RNF32: variants seen among roughly 807,000 people sequenced by gnomAD.
RNF32 encodes the protein ring finger protein 32.
A neutral mutation model predicts 41.0 loss-of-function variants in RNF32; 36 were observed. That is an observed-to-expected ratio of 0.88 (90% CI 0.67 to 1.16). The LOEUF is 1.16. Among genes scored for constraint, RNF32 ranks in the 50% most tolerant of loss-of-function variants. RNF32 has a pLI of 0.00. For synonymous variants in RNF32, 154 were observed against 160.9 expected (o/e 0.96, Z 0.32); for missense variants, 413 against 436.7 (o/e 0.95, Z 0.48).
intron 8 of RNF32, 33 bp from the exon 9 acceptor site, chr7:156,676,386 C>T (rs753204431): frequency 1.2e-6 from 2 of 1,614,006 alleles, no homozygotes; most frequent in Non-Finnish European, 1.7e-6. Context: ...TGAAACTAAC[C>T]CGCGTGGCCT....
rs1021285511 is a variant in RNF32, at chr7:156,673,343, T to C, written c.685-2353T>C. Among the ~76,000 whole-genome samples, 4 of 152,224 alleles carry C rather than the reference T, an allele frequency of 2.6e-5. No homozygotes were observed. The South Asian group carries it at 8.3e-4, about 32-fold the overall frequency. On this transcript the variant is annotated intron_variant, in intron 7 of 8. Coordinates refer to ENST00000317955, the MANE Select transcript of RNF32 (RefSeq NM_030936.4). ...CATCAATTGGAGGTAACTGTGTATA[T>C]TTCCAAGTAATTTTTCCTTTTACAA...
At chr7:156,675,931 A>G (rs1449507597) in intron 8 of RNF32, 68 bp downstream of exon 8, 1 of 1,502,990 alleles carries the variant, frequency 6.7e-7, no homozygotes, top group African/African-American at 1.4e-5. Context: ...GGGGAGTGGC[A>G]TGTGGGGGGA....
chr7:156,654,730 A>G lies in RNF32; in HGVS notation c.417+12A>G, dbSNP rs1443708162. 10 of 1,612,168 alleles carry G rather than the reference A, an allele frequency of 6.2e-6. No individual in the cohort carries two copies. The Admixed American group carries it at 1.5e-4, about 24-fold the overall frequency. Reference sequence around the variant, plus strand: ...AGCTTCGTCCTCAGGTGTTTAGCATACGAGGGTGAGCTAGAGAGCTCCTGG... The same window carrying G: ...AGCTTCGTCCTCAGGTGTTTAGCATGCGAGGGTGAGCTAGAGAGCTCCTGG... On this transcript the variant is annotated intron_variant, in intron 4 of 8. Coordinates refer to ENST00000317955, the MANE Select transcript of RNF32 (RefSeq NM_030936.4).
chr7:156,647,821 G>A (rs2131369511), intron 3 of RNF32, among the ~76,000 whole-genome samples: 1 of 152,220 alleles, frequency 6.6e-6, no homozygotes, highest in Non-Finnish European at 1.5e-5. Context: ...CATTCTCCTT[G>A]CACCACATCA....
chr7:156,672,124 C>A (rs1461452316), intron 7 of RNF32, among the ~76,000 whole-genome samples: 1 of 152,146 alleles, frequency 6.6e-6, no homozygotes, highest in Non-Finnish European at 1.5e-5. Flanking sequence ...TGCTTTCTTG[C>A]TATATTACAC....
chr7:156,671,282 A>G (rs1802437088), intron 7 of RNF32, among the ~76,000 whole-genome samples: 1 of 152,230 alleles, frequency 6.6e-6, no homozygotes, highest in Non-Finnish European at 1.5e-5. Flanking sequence ...AGCACCAATC[A>G]GATTATGTAT....
At chr7:156,645,524 T>G (rs551363634) in intron 3 of RNF32, among the ~76,000 whole-genome samples, 17 of 152,284 alleles carry the variant, frequency 1.1e-4, no homozygotes, top group African/African-American at 3.8e-4. Flanking sequence ...CTGTTCCAGA[T>G]TACAGGAGAC....
Position 156,670,760 on chromosome 7 carries a change from C to T in RNF32, c.685-4936C>T, listed in dbSNP as rs1469891291. Among the ~76,000 whole-genome samples the T allele has an allele frequency of 1.3e-5, 2 of 152,160 alleles. No homozygotes were observed. Among genetic ancestry groups the T allele is most frequent in the Admixed American group, 1.3e-4 (2 of 15,274 alleles). On this transcript the variant is annotated intron_variant, in intron 7 of 8. Coordinates refer to ENST00000317955, the MANE Select transcript of RNF32 (RefSeq NM_030936.4). The surrounding 1 kb of genome is among the most constrained non-coding windows in gnomAD (Gnocchi z 4.3). ...TCCCATGTGAACCAAATGAAAGTTA[C>T]ATTCAAGACGAGAGGCAAAAGAAAA...
At chr7:156,643,128 G>A (rs918514373) in intron 1 of RNF32, 4 of 152,186 alleles carry the variant, frequency 2.6e-5, no homozygotes, top group Non-Finnish European at 5.9e-5. Context: ...ATACTTCAAA[G>A]GTTGTCTCAT....
intron 1 of RNF32, chr7:156,641,072 G>A (rs577689438): frequency 7.2e-5 from 11 of 152,722 alleles, no homozygotes; most frequent in African/African-American, 2.6e-4. Flanking sequence ...TTAGAACAGT[G>A]ATCCCACGTC....
intron 7 of RNF32, among the ~76,000 whole-genome samples, chr7:156,674,714 TATTCA>T (rs1803412642): frequency 6.6e-6 from 1 of 152,222 alleles, no homozygotes; most frequent in Non-Finnish European, 1.5e-5. Flanking sequence ...CAAAGTACTG[TATTCA>T]ATTAATAAAC....
rs527936405 is a variant in RNF32, at chr7:156,661,325, T to A, written c.684+2755T>A. ...TTCTGTTGCTGGGGGCCTTAGGATT[T>A]TTTTTTTTTTTTGAGACGGAGTCTC... On this transcript the variant is annotated intron_variant, in intron 7 of 8. Transcript: ENST00000317955. Among the ~76,000 whole-genome samples, 40 of 151,330 alleles carry A rather than the reference T, an allele frequency of 2.6e-4. 1 individual carries two copies. In the South Asian group the frequency reaches 4.2e-3, roughly 16 times the overall value.
At chr7:156,648,889 G>C (rs1798326660) in intron 3 of RNF32, among the ~76,000 whole-genome samples, 1 of 151,428 alleles carries the variant, frequency 6.6e-6, no homozygotes. Context: ...TCACTTTATT[G>C]CTGTTTGGGA....
At chr7:156,665,180 G>A (rs548600303) in intron 7 of RNF32, among the ~76,000 whole-genome samples, 14 of 152,214 alleles carry the variant, frequency 9.2e-5, no homozygotes, top group African/African-American at 3.1e-4. Flanking sequence ...CTAGTAATAC[G>A]GCCATTAAAA....
intron 5 of RNF32, 181 bp downstream of exon 5, chr7:156,657,754 G>A: frequency 1.5e-6 from 1 of 653,380 alleles, no homozygotes; most frequent in Admixed American, 2.8e-5. Flanking sequence ...AAAATCATGA[G>A]TTTTGTGACA....
At chr7:156,647,926 A>G (rs938503146) in intron 3 of RNF32, among the ~76,000 whole-genome samples, 1 of 152,092 alleles carries the variant, frequency 6.6e-6, no homozygotes, top group Non-Finnish European at 1.5e-5. Context: ...CATTTCCCTG[A>G]TGACGAGTGA....
chr7:156,660,926 T>C (rs1800560177), intron 7 of RNF32, among the ~76,000 whole-genome samples: 1 of 152,196 alleles, frequency 6.6e-6, no homozygotes, highest in African/African-American at 2.4e-5. Flanking sequence ...AGGCGTGATA[T>C]CTTGAAGTGG....
intron 7 of RNF32, chr7:156,659,604 ATAGTC>A: frequency 1.1e-6 from 1 of 939,048 alleles, no homozygotes; most frequent in Non-Finnish European, 1.3e-6. Flanking sequence ...TACAGATTTG[ATAGTC>A]ATTTTACCTT....
At chr7:156,668,719 C>G (rs541817171) in intron 7 of RNF32, among the ~76,000 whole-genome samples, 27 of 152,332 alleles carry the variant, frequency 1.8e-4, no homozygotes, top group African/African-American at 6.5e-4. Flanking sequence ...CACGGGAGCT[C>G]TCTGTTAAAG....
Sources: allele counts gnomAD v4.1 joint callset (sites outside exome capture counted in the v4.1 genomes callset), GRCh38; gene constraint gnomAD v4.1.1; non-coding constraint Gnocchi (gnomAD v3.1); transcripts MANE v1.5; gene names NCBI Gene and HGNC (gene_info 2026-07-23, HGNC 2026-07-21).